XPC: variants seen among roughly 807,000 people sequenced by gnomAD.
The protein encoded by XPC is DNA repair protein complementing XP-C cells.
In XPC, 76 loss-of-function variants were observed where a neutral mutation model predicts 95.8. The ratio of observed to expected loss-of-function variants is 0.79; its 90% CI spans 0.66 to 0.96. The LOEUF is 0.96. XPC is among the 40% of genes least tolerant of loss of function. The probability of loss-of-function intolerance (pLI) is 0.00; values close to 1 mark genes in which losing one functional copy is unlikely to be tolerated. For synonymous variants in XPC, 442 were observed against 442.1 expected (o/e 1.00, Z 0.00); for missense variants, 1,146 against 1,179.8 (o/e 0.97, Z 0.42).
intron 11 of XPC, 71 bp downstream of exon 11, chr3:14,152,264 G>T: frequency 7.2e-7 from 1 of 1,384,058 alleles, no homozygotes; most frequent in Non-Finnish European, 1.0e-6. Flanking sequence ...TCACTTCTCT[G>T]CCCCCAGCTC....
Position 14,166,009 on chromosome 3 carries a change from C to A in XPC, c.622-424G>T, listed in dbSNP as rs541563467. The A allele has an allele frequency of 5.5e-5, 10 of 183,198 alleles. No homozygotes were observed. The East Asian group carries it at 1.4e-3, about 26-fold the overall frequency. 11.3% of individuals were successfully genotyped at this position (183,198 alleles called of 1,614,324 possible). A position where few individuals can be genotyped will look rare whatever the true frequency, so the allele number is the denominator to read the frequency against. Reference sequence around the variant, plus strand: ...CTGTGGAAGCCGGCGGGATGCACCCCACTGGGCTCACTGGGCTGCTCTCGC... The same window carrying A: ...CTGTGGAAGCCGGCGGGATGCACCCAACTGGGCTCACTGGGCTGCTCTCGC... On this transcript the variant is annotated intron_variant, in intron 5 of 15. Transcript: ENST00000285021.
chr3:14,147,931 C>A lies in XPC; in HGVS notation c.2491G>T (p.Val831Phe). ...ACCTCCTTCTCCTTCCTTTCAATGA[C>A]TGCCTGCTCATTTTCCCAGGCAGTC... ...LLTAWENEQA[V>F]IERKEKEKKE... Residue 831 changes from valine (V) to phenylalanine (F), a missense_variant, in exon 14 of 16, where the codon GTC (valine) becomes TTC (phenylalanine). Coordinates refer to ENST00000285021, the MANE Select transcript of XPC (RefSeq NM_004628.5). 1 of 1,603,258 alleles carries A rather than the reference C, an allele frequency of 6.2e-7. No individual in the cohort carries two copies. The highest frequency in any genetic ancestry group is 8.5e-7 in the Non-Finnish European group (1 of 1,174,400).
chr3:14,156,598 G>C lies in XPC; in HGVS notation c.1873-103C>G, dbSNP rs1404695844. On this transcript the variant is annotated intron_variant, in intron 9 of 15. Coordinates refer to ENST00000285021, the MANE Select transcript of XPC (RefSeq NM_004628.5). Reference sequence around the variant, plus strand: ...TAACTTGTTCTGACAACAGATGGTGGAGCCAAGGTTTCATGAACACTAATG... The same window carrying C: ...TAACTTGTTCTGACAACAGATGGTGCAGCCAAGGTTTCATGAACACTAATG... 6 of 1,527,554 alleles carry C rather than the reference G, an allele frequency of 3.9e-6. No homozygotes were observed. The African/African-American group carries it at 4.2e-5, about 11-fold the overall frequency. The allele number at this position is 1,527,554 out of a possible 1,614,324, so 94.6% of individuals were successfully genotyped here.
At chr3:14,161,185 C>G (rs914776306) in intron 7 of XPC, among the ~76,000 whole-genome samples, 2 of 152,142 alleles carry the variant, frequency 1.3e-5, no homozygotes, top group African/African-American at 4.8e-5. Flanking sequence ...CAGATCGAGT[C>G]AGAACTCAAA....
chr3:14,151,305 AGATATATCTG>A (rs1189330594), intron 11 of XPC: 1 of 152,252 alleles, frequency 6.6e-6, no homozygotes, highest in Non-Finnish European at 1.5e-5. Context: ...ATAGTATTTT[AGATATATCTG>A]GATATATTTT....
intron 5 of XPC, among the ~76,000 whole-genome samples, chr3:14,166,238 T>C (rs1001904835): frequency 2.0e-5 from 3 of 152,074 alleles, no homozygotes; most frequent in Non-Finnish European, 4.4e-5. Context: ...TTTTAATCAA[T>C]AGTGCTGCCT....
chr3:14,147,340 C>A lies in XPC; in HGVS notation c.2554G>T (p.Ala852Ser). 1 of 1,611,552 alleles carries A rather than the reference C, an allele frequency of 6.2e-7. No homozygotes were observed. Among genetic ancestry groups the A allele is most frequent in the Non-Finnish European group, 8.5e-7 (1 of 1,178,972 alleles). ...KRALGNWKLL[A>S]KGLLIRERLK... ...CTCTCCCTGATGAGCAGACCTTTGG[C>A]CAGCAACTTCCAGTTCCCTAGAGCC... Residue 852 changes from alanine to serine, a missense_variant, in exon 15 of 16, where the codon GCC becomes TCC. Coordinates refer to ENST00000285021, the MANE Select transcript of XPC (RefSeq NM_004628.5).
Position 14,168,294 on chromosome 3 carries a change from T to G in XPC, c.499A>C (p.Ile167Leu). 6.2e-7 allele frequency: 1 copy of G among 1,613,754 alleles called. No homozygotes were observed. Among genetic ancestry groups the G allele is most frequent in the Non-Finnish European group, 8.5e-7 (1 of 1,179,830 alleles). The change falls in exon 4 of 16, where the codon ATT becomes CTT. Residue 167 changes from isoleucine (I) to leucine (L), a missense_variant. Coordinates refer to ENST00000285021, the MANE Select transcript of XPC (RefSeq NM_004628.5). ...GTCTTCGCCTGCTCTGGCGTTTCAA[T>G]CTCTATCTCCACTGGCTTCACAGGC... is the stretch of plus-strand genomic sequence containing the variant. Reference protein sequence around the residue: ...LLPVKPVEIEIETPEQAKTRE... With the variant: ...LLPVKPVEIELETPEQAKTRE...
chr3:14,151,262 C>CA (rs1559370720), intron 11 of XPC: 1 of 152,154 alleles, frequency 6.6e-6, no homozygotes, highest in African/African-American at 2.4e-5. Flanking sequence ...TTAAATATCT[C>CA]ATCAACACTT....
Position 14,148,340 on chromosome 3 carries a change from G to A in XPC, c.2420+222C>T, listed in dbSNP as rs574634063. 535 of 665,180 alleles carry A rather than the reference G, an allele frequency of 8.0e-4. 7 individuals carry two copies. The South Asian group carries it at 0.011, about 13-fold the overall frequency. The allele number at this position is 665,180 out of a possible 1,614,324, so 41.2% of individuals were successfully genotyped here. A position where few individuals can be genotyped will look rare whatever the true frequency, so the allele number is the denominator to read the frequency against. On this transcript the variant is annotated intron_variant, in intron 13 of 15. Transcript: ENST00000285021. Reference sequence around the variant, plus strand: ...GTGAGTCCCTAAACCTGGGAAGAACGTTTTAATCCAGCATTACGATGCCAG... The same window carrying A: ...GTGAGTCCCTAAACCTGGGAAGAACATTTTAATCCAGCATTACGATGCCAG...
chr3:14,158,385 C>T lies in XPC; in HGVS notation c.1498G>A (p.Ala500Thr), dbSNP rs753870944. Residue 500 changes from alanine to threonine, a missense_variant, in exon 9 of 16, where the codon GCA becomes ACA. Transcript: ENST00000285021. The surrounding 1 kb of genome is among the most constrained non-coding windows in gnomAD (Gnocchi z 5.2). ...TTACTGCTTGAAGAGCTTGAGGATGCCGCTGGCAAGCTTGGGTCCTTACGA... is the reference window on the plus strand; with the variant it reads ...TTACTGCTTGAAGAGCTTGAGGATGTCGCTGGCAAGCTTGGGTCCTTACGA... Reference protein sequence around the residue: ...SHRKDPSLPAASSSSSSSKRG... With the variant: ...SHRKDPSLPATSSSSSSSKRG... The T allele has an allele frequency of 6.2e-7, 1 of 1,613,866 alleles. No homozygotes were observed.
Position 14,172,999 on chromosome 3 carries a change from C to G in XPC, c.167G>C (p.Arg56Thr), listed in dbSNP as rs1410611847. The change falls in exon 2 of 16, where the codon AGG (arginine) becomes ACG (threonine). Residue 56 changes from arginine to threonine, a missense_variant. Transcript: ENST00000285021. ...CCCAGGATGACTGCAGCCTCTTTTC[C>G]TCTTTCCTTGTGAAACTTTGGAGAG... is the stretch of plus-strand genomic sequence containing the variant. ...SLLSKVSQGK[R>T]KRGCSHPGGS... 1 of 1,612,008 alleles carries G rather than the reference C, an allele frequency of 6.2e-7. No homozygotes were observed. Among genetic ancestry groups the G allele is most frequent in the Admixed American group, 1.7e-5 (1 of 59,586 alleles).
chr3:14,172,533 T>C (rs2607755), intron 2 of XPC, among the ~76,000 whole-genome samples: 63,031 of 152,040 alleles, frequency 0.41, 13,681 homozygotes, highest in Non-Finnish European at 0.47. Context: ...AGGACAGTAG[T>C]ATGAGATAAA....
chr3:14,156,540 G>A lies in XPC; in HGVS notation c.1873-45C>T, dbSNP rs755623628. 5 of 1,612,296 alleles carry A rather than the reference G, an allele frequency of 3.1e-6. No individual in the cohort carries two copies. The African/African-American group carries it at 5.3e-5, about 17-fold the overall frequency. On this transcript the variant is annotated intron_variant, in intron 9 of 15. Transcript: ENST00000285021. ...AAGGTTGAGCATGTTATTTAGAAGA[G>A]GAAATGAAGTTTGAGGGAGATGATC...
chr3:14,164,722 T>G, intron 7 of XPC, 91 bp downstream of exon 7: 1 of 1,371,716 alleles, frequency 7.3e-7, no homozygotes, highest in South Asian at 1.3e-5. Flanking sequence ...GTAGTGTCGG[T>G]AACACACCTG....
At chr3:14,167,561 C>T (rs1696433282) in intron 4 of XPC, among the ~76,000 whole-genome samples, 1 of 152,226 alleles carries the variant, frequency 6.6e-6, no homozygotes, top group African/African-American at 2.4e-5. Context: ...GGCTGTCCAA[C>T]TCTTCCGACT....
intron 5 of XPC, 112 bp downstream of exon 5, chr3:14,167,057 G>T: frequency 1.1e-6 from 1 of 912,972 alleles, no homozygotes; most frequent in Non-Finnish European, 1.6e-6. Flanking sequence ...CTCAGAGAGA[G>T]TAAGAAACTT....
chr3:14,165,511 A>C lies in XPC; in HGVS notation c.696T>G (p.Ile232Met), dbSNP rs758741701. ...AGCGGGCTGGGATGATGGACAGGCC[A>C]ATAGCATGCAGATCTGGCTGGCTGC... ...NICSQPDLHA[I>M]GLSIIPARFT... The change falls in exon 6 of 16, where the codon ATT becomes ATG. Residue 232 changes from isoleucine (I) to methionine (M), a missense_variant. Ile to Met is a conservative substitution (Grantham distance 10, BLOSUM62 1). Transcript: ENST00000285021. 2 of 1,610,968 alleles carry C rather than the reference A, an allele frequency of 1.2e-6. No homozygotes were observed. The highest frequency in any genetic ancestry group is 3.4e-5 in the Admixed American group (2 of 59,640).
At chr3:14,147,133 TA>T in intron 15 of XPC, 156 bp downstream of exon 15, 1 of 772,018 alleles carries the variant, frequency 1.3e-6, no homozygotes, top group Non-Finnish European at 2.1e-6. Context: ...CCCAACAAGG[TA>T]AAAACAAGCG....
Sources: gnomAD v4.1 joint callset for allele counts (sites outside exome capture counted in the v4.1 genomes callset) on GRCh38, gnomAD v4.1.1 for gene constraint, Gnocchi (gnomAD v3.1) non-coding constraint, MANE v1.5 for transcripts, NCBI Gene and HGNC (gene_info 2026-07-23, HGNC 2026-07-21) for gene names.